Variants in ADGRL3 observed in about 807,000 individuals in gnomAD.
The protein encoded by ADGRL3 is adhesion G protein-coupled receptor L3.
In ADGRL3, 62 loss-of-function variants were observed where a neutral mutation model predicts 153.5. The ratio of observed to expected loss-of-function variants is 0.40; its 90% CI spans 0.33 to 0.50. The LOEUF (loss-of-function observed/expected upper bound fraction) is 0.50. Ranked by LOEUF, ADGRL3 falls within the 20% of genes least tolerant of loss-of-function variation. ADGRL3 has a pLI of 0.47. For synonymous variants in ADGRL3, 710 were observed against 672.5 expected (o/e 1.06, Z -0.86); for missense variants, 1,641 against 1,859.4 (o/e 0.88, Z 2.16).
intron 24 of ADGRL3, among the ~76,000 whole-genome samples, chr4:62,041,172 T>C (rs1215374905): frequency 1.3e-5 from 2 of 152,098 alleles, no homozygotes; most frequent in African/African-American, 4.8e-5. Context: ...TGTTGCTACA[T>C]TGTAGATAAT....
rs942623468 is a variant in ADGRL3, at chr4:61,927,241, T to C, written c.2113-7599T>C. ...TAGCAAGGAGTTTAAGTCAGGTCTG[T>C]AGATCCATTTAATTCCTGTAACATG... On this transcript the variant is annotated intron_variant, in intron 13 of 26. Coordinates refer to ENST00000683033, the MANE Select transcript of ADGRL3 (RefSeq NM_001387552.1). 7.9e-5 allele frequency among the ~76,000 whole-genome samples: 12 copies of C among 152,172 alleles called. No individual in the cohort carries two copies. The East Asian group carries it at 2.1e-3, about 27-fold the overall frequency.
chr4:61,287,103 A>G (rs1368914498), intron 1 of ADGRL3, among the ~76,000 whole-genome samples: 1 of 151,838 alleles, frequency 6.6e-6, no homozygotes, highest in African/African-American at 2.4e-5. Context: ...AGAAGATTCC[A>G]TATTCTCTGT....
intron 5 of ADGRL3, among the ~76,000 whole-genome samples, chr4:61,629,597 A>C (rs1430181353): frequency 6.6e-6 from 1 of 150,980 alleles, no homozygotes; most frequent in African/African-American, 2.4e-5. Flanking sequence ...GAAGCCTGTA[A>C]TCCCAGCTAC....
In ADGRL3 at chr4:61,847,758, A is replaced by G. The variant is rs1168018432; in HGVS notation, c.1480+33869A>G. ...TATAATACAAAATATATTATATATA[A>G]TACAAAATATATATATAATACAAAA... is the stretch of plus-strand genomic sequence containing the variant. On this transcript the variant is annotated intron_variant, in intron 9 of 26. Coordinates refer to ENST00000683033, the MANE Select transcript of ADGRL3 (RefSeq NM_001387552.1). Among the ~76,000 whole-genome samples, 71 of 38,564 alleles carry G rather than the reference A, an allele frequency of 1.8e-3. 11 individuals are homozygous for G. The highest frequency in any genetic ancestry group is 8.0e-3 in the African/African-American group (61 of 7,604). The allele number at this position is 38,564 out of a possible 152,430, so 25.3% of individuals were successfully genotyped here.
chr4:61,558,175 T>TAC (rs2098776999), intron 4 of ADGRL3, among the ~76,000 whole-genome samples: 2 of 142,774 alleles, frequency 1.4e-5, no homozygotes, highest in African/African-American at 2.6e-5. Flanking sequence ...GTAGGAATCA[T>TAC]ATATATATAT....
chr4:61,811,911 A>G (rs1288574168), intron 8 of ADGRL3, among the ~76,000 whole-genome samples: 1 of 152,150 alleles, frequency 6.6e-6, no homozygotes, highest in Non-Finnish European at 1.5e-5. Flanking sequence ...ACAGAAAACC[A>G]ATATTATTCT....
intron 15 of ADGRL3, among the ~76,000 whole-genome samples, chr4:61,936,478 AG>A (rs1262578440): frequency 6.6e-6 from 1 of 152,052 alleles, no homozygotes; most frequent in East Asian, 1.9e-4. Context: ...TTCTTTGCAA[AG>A]CATACAAACA....
intron 9 of ADGRL3, among the ~76,000 whole-genome samples, chr4:61,868,261 T>G (rs1436088801): frequency 6.6e-6 from 1 of 152,176 alleles, no homozygotes; most frequent in African/African-American, 2.4e-5. Flanking sequence ...TGTAGATTTT[T>G]TTTTCCATCC....
intron 25 of ADGRL3, among the ~76,000 whole-genome samples, chr4:62,054,139 A>G (rs192163300): frequency 6.6e-6 from 1 of 151,820 alleles, no homozygotes; most frequent in Admixed American, 6.6e-5. Flanking sequence ...TTTACTAAAA[A>G]GAACTGTGGT....
intron 9 of ADGRL3, among the ~76,000 whole-genome samples, chr4:61,885,831 TA>T: frequency 6.6e-6 from 1 of 152,120 alleles, no homozygotes; most frequent in Non-Finnish European, 1.5e-5. Context: ...TGAAGATGAG[TA>T]TGCTTACCCA....
chr4:61,514,305 A>G (rs1357607294), intron 3 of ADGRL3, among the ~76,000 whole-genome samples: 1 of 152,144 alleles, frequency 6.6e-6, no homozygotes, highest in Non-Finnish European at 1.5e-5. Flanking sequence ...GGAACATTCT[A>G]ACTTTCTAGC....
intron 1 of ADGRL3, among the ~76,000 whole-genome samples, chr4:61,339,713 A>C (rs2095763817): frequency 6.6e-6 from 1 of 152,358 alleles, no homozygotes; most frequent in Admixed American, 6.5e-5. Context: ...ATATAGCTAC[A>C]TAGCCTTGTA....
In ADGRL3 at chr4:61,746,192, C is replaced by T. The variant is rs147266755; in HGVS notation, c.1399+12638C>T. 9.0e-3 allele frequency among the ~76,000 whole-genome samples: 1,372 copies of T among 152,212 alleles called. 22 individuals are homozygous for T. Among genetic ancestry groups the T allele is most frequent in the African/African-American group, 0.031 (1,304 of 41,540 alleles). ...TATATATGCACCCAACACAGGAGCACCCAGACTCATAAAGCAAGTCCTGAG... is the reference window on the plus strand; with the variant it reads ...TATATATGCACCCAACACAGGAGCATCCAGACTCATAAAGCAAGTCCTGAG... On this transcript the variant is annotated intron_variant, in intron 8 of 26. Transcript: ENST00000683033.
chr4:61,510,595 C>G (rs1253725722), intron 3 of ADGRL3, among the ~76,000 whole-genome samples: 1 of 152,078 alleles, frequency 6.6e-6, no homozygotes, highest in Non-Finnish European at 1.5e-5. Flanking sequence ...TTTCTGGCTT[C>G]TCTATTCTGT....
intron 9 of ADGRL3, among the ~76,000 whole-genome samples, chr4:61,833,958 C>CTTTTTTTTTTTTTTTTTT (rs113049750): frequency 8.1e-6 from 1 of 123,464 alleles, no homozygotes. Flanking sequence ...AAGGCAGCTT[C>CTTTTTTTTTTTTTTTTTT]TTTTTTTTTT....
intron 1 of ADGRL3, among the ~76,000 whole-genome samples, chr4:61,297,824 C>T (rs552938294): frequency 2.0e-5 from 3 of 151,594 alleles, no homozygotes; most frequent in South Asian, 4.2e-4. Flanking sequence ...TCACTACCGT[C>T]GCCACCACCA....
intron 1 of ADGRL3, among the ~76,000 whole-genome samples, chr4:61,263,548 A>G (rs2092676281): frequency 6.6e-6 from 1 of 151,856 alleles, no homozygotes; most frequent in African/African-American, 2.4e-5. Flanking sequence ...AAGTATAAAC[A>G]CTTCTAAATC....
intron 21 of ADGRL3, among the ~76,000 whole-genome samples, chr4:62,001,974 C>A (rs944843094): frequency 6.6e-6 from 1 of 152,002 alleles, no homozygotes; most frequent in Non-Finnish European, 1.5e-5. Flanking sequence ...TGATTATACA[C>A]GTTCTTTCAC....
intron 8 of ADGRL3, among the ~76,000 whole-genome samples, chr4:61,782,638 G>T (rs192253885): frequency 3.7e-4 from 57 of 152,102 alleles, no homozygotes; most frequent in African/African-American, 1.3e-3. Flanking sequence ...TAATTTCACT[G>T]GTGTTTTTTC....
Sources: gnomAD v4.1 joint callset for allele counts (sites outside exome capture counted in the v4.1 genomes callset) on GRCh38, gnomAD v4.1.1 for gene constraint, MANE v1.5 for transcripts, NCBI Gene and HGNC (gene_info 2026-07-23, HGNC 2026-07-21) for gene names.